The following WNK3 variants were observed in gnomAD, a reference collection of about 807,000 sequenced individuals.
The protein encoded by WNK3 is serine/threonine-protein kinase WNK3.
In WNK3, 18 loss-of-function variants were observed where a neutral mutation model predicts 116.7. That is an observed-to-expected ratio of 0.15 (90% CI 0.11 to 0.23). WNK3 has a LOEUF of 0.23. Among genes scored for constraint, WNK3 ranks in the 10% least tolerant of loss-of-function variants. The pLI is 1.00. For synonymous variants in WNK3, 404 were observed against 469.4 expected, an observed-to-expected ratio of 0.86 and a Z score of 1.80; for missense variants, 993 against 1,323.8, an observed-to-expected ratio of 0.75 and a Z score of 3.88.
At chrX:54,213,000 G>A (rs980485946) in intron 22 of WNK3, among the ~76,000 whole-genome samples, 2 of 110,175 alleles carry the variant, frequency 1.8e-5, no homozygotes, top group African/African-American at 6.6e-5. Context: ...TGTGAAAAAG[G>A]GTCTCACTCC....
chrX:54,298,077 A>T (rs914816548), intron 7 of WNK3, 98 bp downstream of exon 7: 3 of 635,803 alleles, frequency 4.7e-6, no homozygotes, highest in African/African-American at 4.5e-5. Flanking sequence ...TGTCTCAAAA[A>T]AAAGGAGAAA....
exon 24 of WNK3, chrX:54,195,192 A>T (rs2067432133): frequency 8.9e-6 from 1 of 111,775 alleles, no homozygotes; most frequent in African/African-American, 3.2e-5. Context: ...CCACATATGG[A>T]GATACAGTAC....
intron 22 of WNK3, among the ~76,000 whole-genome samples, chrX:54,222,915 AATAT>A (rs782107262): frequency 2.8e-4 from 23 of 81,016 alleles, no homozygotes; most frequent in Admixed American, 8.8e-4. Context: ...TAATAATAAT[AATAT>A]ATATATATAT....
rs782589560 is a variant in WNK3, at chrX:54,307,087, C to T, written c.1089+835G>A. 2.8e-5 allele frequency among the ~76,000 whole-genome samples: 3 copies of T among 108,646 alleles called. No individual in the cohort carries two copies. In the East Asian group the frequency reaches 8.7e-4, roughly 32 times the overall value. The allele number at this position is 108,646 out of a possible 115,157, so 94.3% of individuals were successfully genotyped here. On this transcript the variant is annotated intron_variant, in intron 5 of 23. Coordinates refer to ENST00000354646, the Ensembl canonical transcript of WNK3. ...TACTAAAAATACAAAATTAGCTGGG[C>T]GTGGTGGTGCACACCTGTAGTCCCA...
intron 2 of WNK3, among the ~76,000 whole-genome samples, chrX:54,331,381 CATAT>C (rs151229462): frequency 6.8e-5 from 7 of 102,916 alleles, no homozygotes; most frequent in Non-Finnish European, 9.9e-5. Context: ...TGTGTGTGTG[CATAT>C]ATATATATAT....
At chrX:54,312,836 C>T (rs1029602982) in intron 2 of WNK3, among the ~76,000 whole-genome samples, 21 of 111,452 alleles carry the variant, frequency 1.9e-4, no homozygotes, top group African/African-American at 6.8e-4. Context: ...TCTATTTATC[C>T]TATTTTTATG....
chrX:54,304,065 GT>G (rs1196175311), intron 5 of WNK3, among the ~76,000 whole-genome samples: 5 of 111,656 alleles, frequency 4.5e-5, no homozygotes, highest in Non-Finnish European at 9.4e-5. Context: ...ATGAAGTCCC[GT>G]GTAACCATCA....
At chrX:54,241,953 C>CAA (rs782594022) in intron 17 of WNK3, among the ~76,000 whole-genome samples, 1 of 60,922 alleles carries the variant, frequency 1.6e-5, no homozygotes, top group Non-Finnish European at 3.2e-5. Context: ...GACTCCATCT[C>CAA]AAAAAAAAAA....
At chrX:54,254,480 G>T (rs1360945753) in intron 12 of WNK3, among the ~76,000 whole-genome samples, 1 of 112,068 alleles carries the variant, frequency 8.9e-6, no homozygotes, top group African/African-American at 3.2e-5. Flanking sequence ...AATCTTTATG[G>T]ACAGCAATCT....
chrX:54,255,592 A>G, intron 12 of WNK3, 148 bp downstream of exon 12: 2 of 435,146 alleles, frequency 4.6e-6, no homozygotes, highest in Non-Finnish European at 7.3e-6. Context: ...CGAACACATA[A>G]TACTCACATT....
At chrX:54,216,281 A>C (rs1445642124) in intron 22 of WNK3, among the ~76,000 whole-genome samples, 2 of 96,577 alleles carry the variant, frequency 2.1e-5, no homozygotes, top group African/African-American at 9.7e-5. Flanking sequence ...AGAATGATCA[A>C]TAAATACTAA....
chrX:54,302,411 G>A (rs1252884531), intron 5 of WNK3, among the ~76,000 whole-genome samples: 2 of 110,258 alleles, frequency 1.8e-5, no homozygotes, highest in African/African-American at 6.6e-5. Context: ...CAATTCCCCT[G>A]CCTCAGCCTC....
At position 54,228,545 on chromosome X, in the gene WNK3, G is replaced by C. The variant is rs1206857796; in HGVS notation, c.4870+169C>G. Reference sequence around the variant, plus strand: ...GAGGGATGACTATGAATATGTACATGTTTCTTTGTGGAATGTTGAAAATAT... The same window carrying C: ...GAGGGATGACTATGAATATGTACATCTTTCTTTGTGGAATGTTGAAAATAT... On this transcript the variant is annotated intron_variant, in intron 22 of 23. Coordinates refer to ENST00000354646, the Ensembl canonical transcript of WNK3. Among the ~76,000 whole-genome samples, 7 of 111,459 alleles carry C rather than the reference G, an allele frequency of 6.3e-5. No homozygotes were observed. The East Asian group carries it at 2.0e-3, about 31-fold the overall frequency.
intron 22 of WNK3, among the ~76,000 whole-genome samples, chrX:54,209,224 A>G (rs1254922011): frequency 9.1e-6 from 1 of 109,936 alleles, no homozygotes; most frequent in African/African-American, 3.3e-5. Flanking sequence ...TCATATTATA[A>G]GTTAACTACA....
At chrX:54,343,595 A>T (rs2069361428) in intron 1 of WNK3, 1 of 111,279 alleles carries the variant, frequency 9.0e-6, no homozygotes, top group South Asian at 3.8e-4. Context: ...TACAGAGAAG[A>T]TTAGCACGGC....
At chrX:54,262,631 T>C (rs1260643516) in intron 10 of WNK3, among the ~76,000 whole-genome samples, 1 of 110,014 alleles carries the variant, frequency 9.1e-6, no homozygotes, top group Non-Finnish European at 1.9e-5. Context: ...TCTGATGGAG[T>C]CCCTGGAGTC....
intron 10 of WNK3, among the ~76,000 whole-genome samples, chrX:54,288,552 G>T (rs2068604874): frequency 9.0e-6 from 1 of 111,230 alleles, no homozygotes; most frequent in Non-Finnish European, 1.9e-5. Context: ...TGAGAAATGT[G>T]GGGGCTGGAT....
At chrX:54,198,588 A>C in exon 24 of WNK3, 1 of 1,210,894 alleles carries the variant, frequency 8.3e-7, no homozygotes, top group Non-Finnish European at 1.1e-6. Context: ...AAGTTGGGAC[A>C]GCTCCACGGA....
intron 18 of WNK3, 95 bp from the exon 19 acceptor site, chrX:54,238,567 G>C (rs782630673): frequency 1.7e-4 from 144 of 872,409 alleles, no homozygotes; most frequent in Non-Finnish European, 2.2e-4. Flanking sequence ...AGTAGAAAAA[G>C]CTTAACTCCT....
Sources: gnomAD v4.1 joint callset for allele counts (sites outside exome capture counted in the v4.1 genomes callset) on GRCh38, gnomAD v4.1.1 for gene constraint, MANE v1.5 for transcripts, NCBI Gene and HGNC (gene_info 2026-07-23, HGNC 2026-07-21) for gene names.